Variants in RBMS3 observed in about 807,000 individuals in gnomAD.
The protein encoded by RBMS3 is RNA binding motif single stranded interacting protein 3, also known as RNA-binding motif, single-stranded-interacting protein 3.
RBMS3 carries 27 observed loss-of-function variants against 66.8 expected under a neutral mutation model. The observed-to-expected ratio is 0.40, with a 90% CI of 0.30 to 0.56. RBMS3 has a LOEUF of 0.56. Among genes scored for constraint, RBMS3 ranks in the 20% least tolerant of loss-of-function variants. The pLI is 0.40. For synonymous variants in RBMS3, 188 were observed against 183.0 expected, an observed-to-expected ratio of 1.03 and a Z score of -0.22; for missense variants, 513 against 549.5, an observed-to-expected ratio of 0.93 and a Z score of 0.66.
At chr3:29,867,881 C>T (rs2059398525) in intron 6 of RBMS3, among the ~76,000 whole-genome samples, 2 of 151,798 alleles carry the variant, frequency 1.3e-5, no homozygotes, top group African/African-American at 2.4e-5. Context: ...TGTAAACTGA[C>T]AAATTAATAT....
At chr3:29,950,321 C>T (rs1156698626) in intron 12 of RBMS3, among the ~76,000 whole-genome samples, 1 of 151,866 alleles carries the variant, frequency 6.6e-6, no homozygotes, top group Non-Finnish European at 1.5e-5. Flanking sequence ...CATCCCGCAG[C>T]AGCAGCACAC....
chr3:29,383,017 G>GT (rs1329511241), intron 1 of RBMS3, among the ~76,000 whole-genome samples: 7 of 152,192 alleles, frequency 4.6e-5, no homozygotes, highest in Non-Finnish European at 7.3e-5. Flanking sequence ...TGGGTCAGGT[G>GT]TAACTGTCAA....
intron 4 of RBMS3, chr3:29,697,191 A>G (rs1200318847): frequency 1.3e-6 from 1 of 765,008 alleles, no homozygotes; most frequent in Non-Finnish European, 1.6e-6. Context: ...CTTCCTGAAC[A>G]TATATTCTTA....
rs76334359 is a variant in RBMS3, at chr3:29,660,425, C to G, written c.399+73220C>G. Among the ~76,000 whole-genome samples, 14 of 152,258 alleles carry G rather than the reference C, an allele frequency of 9.2e-5. No homozygotes were observed. In the East Asian group the frequency reaches 1.5e-3, roughly 17 times the overall value. On this transcript the variant is annotated intron_variant, in intron 4 of 14. Transcript: ENST00000383767. ...TCACTTTCTATCTGTGTCTTTGAAC[C>G]TAAAATGAGTCTCTTATAGACAGCA... is the stretch of plus-strand genomic sequence containing the variant.
chr3:29,675,520 T>C (rs1005089398), intron 4 of RBMS3, among the ~76,000 whole-genome samples: 1 of 152,106 alleles, frequency 6.6e-6, no homozygotes, highest in Admixed American at 6.6e-5. Flanking sequence ...ATTTTTGCAA[T>C]CTACCTCTCT....
chr3:29,440,600 C>A (rs764190743), intron 2 of RBMS3, among the ~76,000 whole-genome samples: 1 of 152,254 alleles, frequency 6.6e-6, no homozygotes, highest in East Asian at 1.9e-4. Context: ...CTCTGAATGT[C>A]ACTTTAACAT....
chr3:29,868,770 C>A, intron 6 of RBMS3, 88 bp from the exon 7 acceptor site: 1 of 1,105,342 alleles, frequency 9.0e-7, no homozygotes, highest in Non-Finnish European at 1.3e-6. Flanking sequence ...TCAAAAGATA[C>A]TCATTACAAA....
intron 5 of RBMS3, among the ~76,000 whole-genome samples, chr3:29,749,717 T>G (rs922311657): frequency 6.6e-6 from 1 of 152,178 alleles, no homozygotes. Flanking sequence ...TAAAAATGTA[T>G]CATGCCAGTC....
At chr3:29,655,144 G>T (rs2050281542) in intron 4 of RBMS3, among the ~76,000 whole-genome samples, 1 of 152,112 alleles carries the variant, frequency 6.6e-6, no homozygotes, top group Non-Finnish European at 1.5e-5. Flanking sequence ...CAAGGATTGT[G>T]GTGCATGTGA....
intron 1 of RBMS3, among the ~76,000 whole-genome samples, chr3:29,344,965 T>G (rs1290781873): frequency 6.6e-6 from 1 of 152,202 alleles, no homozygotes; most frequent in Non-Finnish European, 1.5e-5. Flanking sequence ...ACAAAATGTC[T>G]TTCCACAAAG....
At position 29,874,404 on chromosome 3, in the gene RBMS3, T is replaced by C. The variant is rs564996074; in HGVS notation, c.744+5440T>C. On this transcript the variant is annotated intron_variant, in intron 7 of 14. Coordinates refer to ENST00000383767, the MANE Select transcript of RBMS3 (RefSeq NM_001003793.3). ...TAGATCATTTTCCAAGGTAAGGGCATCATCTACATAGTTTATCACTATTTT... is the reference window on the plus strand; with the variant it reads ...TAGATCATTTTCCAAGGTAAGGGCACCATCTACATAGTTTATCACTATTTT... Among the ~76,000 whole-genome samples the C allele has an allele frequency of 1.3e-4, 20 of 152,308 alleles. No individual in the cohort carries two copies. The East Asian group carries it at 3.3e-3, about 25-fold the overall frequency.
intron 14 of RBMS3, 128 bp downstream of exon 14, chr3:29,991,337 G>A: frequency 7.5e-6 from 11 of 1,474,654 alleles, no homozygotes; most frequent in Admixed American, 2.1e-5. Context: ...CATTTATTTA[G>A]CTCATGATTA....
intron 1 of RBMS3, among the ~76,000 whole-genome samples, chr3:29,415,792 T>G (rs1406509000): frequency 6.6e-6 from 1 of 152,052 alleles, no homozygotes; most frequent in East Asian, 1.9e-4. Context: ...TTTTAAATGA[T>G]GTATCCAGAT....
intron 3 of RBMS3, among the ~76,000 whole-genome samples, chr3:29,568,075 G>A (rs1387889397): frequency 1.3e-5 from 2 of 152,122 alleles, no homozygotes; most frequent in Admixed American, 1.3e-4. Flanking sequence ...TATCCAGTGT[G>A]CATAAAATGT....
intron 2 of RBMS3, among the ~76,000 whole-genome samples, chr3:29,457,479 T>C (rs918238459): frequency 6.6e-6 from 1 of 152,174 alleles, no homozygotes; most frequent in African/African-American, 2.4e-5. Context: ...CCCAGCACTT[T>C]GGGAGGCCGA....
At chr3:29,438,628 G>A (rs116211084) in intron 2 of RBMS3, among the ~76,000 whole-genome samples, 5,831 of 152,250 alleles carry the variant, frequency 0.038, 176 homozygotes, top group Non-Finnish European at 0.056. Flanking sequence ...AAATCTAGTT[G>A]TACCTATGTT....
At chr3:29,290,019 T>G (rs948866015) in intron 1 of RBMS3, among the ~76,000 whole-genome samples, 2 of 151,824 alleles carry the variant, frequency 1.3e-5, no homozygotes, top group Admixed American at 1.3e-4. Flanking sequence ...TGATGACAAT[T>G]TAATGAAAAG....
intron 8 of RBMS3, among the ~76,000 whole-genome samples, chr3:29,885,964 A>G (rs1490753731): frequency 6.6e-6 from 1 of 151,912 alleles, no homozygotes; most frequent in East Asian, 1.9e-4. Context: ...AAATAAAATA[A>G]AAATTAGCTT....
intron 8 of RBMS3, among the ~76,000 whole-genome samples, chr3:29,887,065 A>G (rs1237629851): frequency 6.6e-6 from 1 of 151,830 alleles, no homozygotes; most frequent in African/African-American, 2.4e-5. Context: ...ATATACCATA[A>G]GCACCCATTG....
Sources: allele counts gnomAD v4.1 joint callset (sites outside exome capture counted in the v4.1 genomes callset), GRCh38; gene constraint gnomAD v4.1.1; transcripts MANE v1.5; gene names NCBI Gene and HGNC (gene_info 2026-07-23, HGNC 2026-07-21).